The following RANBP17 variants were observed in gnomAD, a reference collection of about 807,000 sequenced individuals.
RANBP17 encodes the protein RAN binding protein 17.
Under a neutral mutation model 141.2 loss-of-function variants are expected in RANBP17, and 158 were observed. The ratio of observed to expected loss-of-function variants is 1.12; its 90% confidence interval spans 0.98 to 1.28. The LOEUF is 1.28. RANBP17 is among the 50% of genes most tolerant of loss of function. The pLI is 0.00. For synonymous variants in RANBP17, 430 were observed against 450.0 expected (o/e 0.96, Z 0.56); for missense variants, 1,438 against 1,290.7 (o/e 1.11, Z -1.75).
At chr5:171,006,490 G>T (rs577717733) in intron 14 of RANBP17, among the ~76,000 whole-genome samples, 2 of 152,006 alleles carry the variant, frequency 1.3e-5, no homozygotes, top group African/African-American at 2.4e-5. Flanking sequence ...GCAAACTATC[G>T]CAAGGACAAA....
chr5:171,190,763 A>G (rs1329104568), intron 18 of RANBP17, among the ~76,000 whole-genome samples: 1 of 152,242 alleles, frequency 6.6e-6, no homozygotes, highest in African/African-American at 2.4e-5. Flanking sequence ...TTAGTTGACA[A>G]ATACTGAAGA....
At chr5:170,913,945 T>G (rs1383902792) in intron 7 of RANBP17, among the ~76,000 whole-genome samples, 3 of 152,096 alleles carry the variant, frequency 2.0e-5, no homozygotes, top group Non-Finnish European at 4.4e-5. Flanking sequence ...ACTGTAGTGC[T>G]ACATAGAGGA....
At chr5:171,128,917 C>T (rs1161125093) in intron 14 of RANBP17, among the ~76,000 whole-genome samples, 1 of 152,136 alleles carries the variant, frequency 6.6e-6, no homozygotes, top group South Asian at 2.1e-4. Flanking sequence ...CCTATTTATT[C>T]TTTCAATAGA....
chr5:171,221,701 A>G, intron 21 of RANBP17, 57 bp from the exon 22 acceptor site: 2 of 951,798 alleles, frequency 2.1e-6, no homozygotes, highest in Non-Finnish European at 3.4e-6. Flanking sequence ...GGCATTTTAA[A>G]TCTGTGTTTG....
intron 1 of RANBP17, among the ~76,000 whole-genome samples, chr5:170,868,778 A>G (rs957159154): frequency 4.6e-5 from 7 of 152,216 alleles, no homozygotes; most frequent in Admixed American, 1.3e-4. Context: ...TCAGATATCA[A>G]TGCATAAAAC....
At chr5:170,957,455 TA>T (rs748355361) in intron 13 of RANBP17, among the ~76,000 whole-genome samples, 38 of 152,332 alleles carry the variant, frequency 2.5e-4, no homozygotes, top group Admixed American at 4.6e-4. Flanking sequence ...AATGTGTTTC[TA>T]ATCCCAAAAT....
intron 14 of RANBP17, among the ~76,000 whole-genome samples, chr5:170,989,907 C>T (rs1472322069): frequency 6.6e-6 from 1 of 151,580 alleles, no homozygotes; most frequent in Middle Eastern, 3.2e-3. Context: ...AAAGTATTAG[C>T]AAAAGGACAG....
chr5:170,935,198 A>G (rs1581183451), intron 12 of RANBP17, among the ~76,000 whole-genome samples: 1 of 152,158 alleles, frequency 6.6e-6, no homozygotes. Flanking sequence ...CTAGTTAGCC[A>G]TTCGTCTACT....
chr5:170,876,875 C>T (rs1768223471), intron 1 of RANBP17, among the ~76,000 whole-genome samples: 1 of 152,116 alleles, frequency 6.6e-6, no homozygotes, highest in Middle Eastern at 3.4e-3. Flanking sequence ...AAGGAATATC[C>T]CATTGTTTTC....
Position 171,062,237 on chromosome 5 carries a change from G to A in RANBP17, c.1710+93860G>A, listed in dbSNP as rs978456704. On this transcript the variant is annotated intron_variant, in intron 14 of 27. Coordinates refer to ENST00000523189, the MANE Select transcript of RANBP17 (RefSeq NM_022897.5). ...CTGGTGATTTTGCTCGTTAGTTGAT[G>A]GAGTTTCTTCCTAGCCTTGATGGTC... is the stretch of plus-strand genomic sequence containing the variant. Among the ~76,000 whole-genome samples the A allele has an allele frequency of 5.3e-5, 8 of 152,238 alleles. No individual in the cohort carries two copies. The East Asian group carries it at 1.5e-3, about 29-fold the overall frequency.
At position 170,968,336 on chromosome 5, in the gene RANBP17, C is replaced by A. The variant is rs969557166; in HGVS notation, c.1669C>A (p.Arg557Ser). 2 of 1,608,596 alleles carry A rather than the reference C, an allele frequency of 1.2e-6. No individual in the cohort carries two copies. Among genetic ancestry groups the A allele is most frequent in the South Asian group, 1.1e-5 (1 of 89,972 alleles). ...AATTCTGTGGTTCTTGGATCAGTTT[C>A]GTAAAACATATGTTGGTGATCAACT... Reference protein sequence around the residue: ...LAILWFLDQFRKTYVGDQLQR... With the variant: ...LAILWFLDQFSKTYVGDQLQR... Residue 557 changes from arginine (R) to serine (S), a missense_variant, in exon 14 of 28, where the codon CGT becomes AGT. Physicochemically the swap from Arg to Ser is moderately radical, Grantham distance 110 (BLOSUM62 -1). Transcript: ENST00000523189.
At chr5:171,188,992 C>T (rs1761453681) in intron 18 of RANBP17, among the ~76,000 whole-genome samples, 1 of 152,098 alleles carries the variant, frequency 6.6e-6, no homozygotes, top group African/African-American at 2.4e-5. Context: ...TATTAGTTTA[C>T]CCAGGATTCT....
intron 14 of RANBP17, among the ~76,000 whole-genome samples, chr5:171,114,810 G>C (rs1387662209): frequency 6.6e-6 from 1 of 151,332 alleles, no homozygotes; most frequent in Non-Finnish European, 1.5e-5. Context: ...ATGTGGTCTT[G>C]GTTCTTAAAA....
chr5:171,212,329 G>C (rs189423914), intron 20 of RANBP17, among the ~76,000 whole-genome samples: 1 of 152,304 alleles, frequency 6.6e-6, no homozygotes, highest in East Asian at 1.9e-4. Context: ...ATTGAACATA[G>C]ATGAGGAAGA....
At chr5:171,005,550 G>A (rs1369891158) in intron 14 of RANBP17, among the ~76,000 whole-genome samples, 4 of 152,180 alleles carry the variant, frequency 2.6e-5, no homozygotes. Flanking sequence ...TATGTAGAAA[G>A]CTGAAACTGG....
chr5:171,155,419 AATG>A (rs1429892067), intron 14 of RANBP17, among the ~76,000 whole-genome samples: 1 of 152,092 alleles, frequency 6.6e-6, no homozygotes, highest in East Asian at 1.9e-4. Flanking sequence ...GGGAAAAGGC[AATG>A]ATGATTTCAG....
At chr5:171,099,409 A>T (rs117070571) in intron 14 of RANBP17, among the ~76,000 whole-genome samples, 7,028 of 147,834 alleles carry the variant, frequency 0.048, 203 homozygotes, top group East Asian at 0.12. Context: ...GATTTGGCTG[A>T]TATTGGTGTA....
At chr5:171,064,662 A>C (rs1455717588) in intron 14 of RANBP17, among the ~76,000 whole-genome samples, 1 of 152,170 alleles carries the variant, frequency 6.6e-6, no homozygotes, top group Non-Finnish European at 1.5e-5. Context: ...GTGCCCAGGC[A>C]CATGCCACCA....
chr5:171,069,214 A>T (rs559023603), intron 14 of RANBP17, among the ~76,000 whole-genome samples: 1 of 152,340 alleles, frequency 6.6e-6, no homozygotes, highest in Admixed American at 6.5e-5. Flanking sequence ...CACTAGGCAG[A>T]TTCAAATATA....
Sources: allele counts gnomAD v4.1 joint callset (sites outside exome capture counted in the v4.1 genomes callset), GRCh38; gene constraint gnomAD v4.1.1; transcripts MANE v1.5; gene names NCBI Gene and HGNC (gene_info 2026-07-23, HGNC 2026-07-21).